DAB2IP: variants seen among roughly 807,000 people sequenced by gnomAD.
DAB2IP encodes the protein DAB2 interacting protein.
In DAB2IP, 28 loss-of-function variants were observed where a neutral mutation model predicts 107.2. The ratio of observed to expected loss-of-function variants is 0.26; its 90% confidence interval spans 0.19 to 0.36. The LOEUF (loss-of-function observed/expected upper bound fraction) is 0.36. Among genes scored for constraint, DAB2IP ranks in the 10% least tolerant of loss-of-function variants. The pLI is 1.00. For missense variants in DAB2IP, 1,400 were observed against 1,644.7 expected (o/e 0.85, Z 2.57); for synonymous variants, 755 against 706.4 (o/e 1.07, Z -1.09).
At position 121,776,324 on chromosome 9, in the gene DAB2IP, G is replaced by A; in HGVS notation, c.3247G>A (p.Glu1083Lys). Reference sequence around the variant, plus strand: ...GCTGGAGTACCAGGCACGGCTGGAGGAGGGCGAGGAGCGGCTGCGGCGGCA... The same window carrying A: ...GCTGGAGTACCAGGCACGGCTGGAGAAGGGCGAGGAGCGGCTGCGGCGGCA... The change falls in exon 14 of 16, where the codon GAG becomes AAG. Residue 1083 changes from glutamate (E) to lysine (K), a missense_variant. Glu to Lys is a moderately conservative substitution (Grantham distance 56). This residue lies in a region of DAB2IP where 600 missense variants were observed against 659.1 expected (regional missense o/e 0.91). Transcript: ENST00000408936. The surrounding 1 kb of genome is among the most constrained non-coding windows in gnomAD (Gnocchi z 5.4). The A allele has an allele frequency of 6.4e-7, 1 of 1,561,654 alleles. No individual in the cohort carries two copies. The highest frequency in any genetic ancestry group is 8.7e-7 in the Non-Finnish European group (1 of 1,152,784).
In DAB2IP at chr9:121,782,469, G is replaced by C. The variant is rs761629896; in HGVS notation, c.3541G>C (p.Gly1181Arg). Reference sequence around the variant, plus strand: ...CACCAAATTGCAGATTACTGAGAACGGCGAGTTCAGAAACAGCAGCAATTG... The same window carrying C: ...CACCAAATTGCAGATTACTGAGAACCGCGAGTTCAGAAACAGCAGCAATTG... Residue 1181 changes from glycine (G) to arginine (R), a missense_variant, in exon 16 of 16, where the codon GGC becomes CGC. Physicochemically the swap from Gly to Arg is moderately radical, Grantham distance 125. Coordinates refer to ENST00000408936, the Ensembl canonical transcript of DAB2IP. The surrounding 1 kb of genome is among the most constrained non-coding windows in gnomAD (Gnocchi z 6.1). The C allele has an allele frequency of 1.2e-6, 2 of 1,613,908 alleles. No individual in the cohort carries two copies. Among genetic ancestry groups the C allele is most frequent in the Non-Finnish European group, 8.5e-7 (1 of 1,179,944 alleles).
intron 1 of DAB2IP, among the ~76,000 whole-genome samples, chr9:121,624,497 A>G (rs1324977163): frequency 2.0e-5 from 3 of 152,278 alleles, no homozygotes; most frequent in African/African-American, 4.8e-5. Flanking sequence ...CATGTGCCAC[A>G]TAATGATATT....
chr9:121,577,839 G>C (rs1235043858), intron 1 of DAB2IP, among the ~76,000 whole-genome samples: 5 of 152,200 alleles, frequency 3.3e-5, no homozygotes, highest in African/African-American at 1.2e-4. Flanking sequence ...GGTCAGTAGG[G>C]TGGGTGGCTC....
At chr9:121,572,161 C>T (rs181642741) in intron 1 of DAB2IP, among the ~76,000 whole-genome samples, 2 of 152,244 alleles carry the variant, frequency 1.3e-5, no homozygotes, top group African/African-American at 2.4e-5. Flanking sequence ...AATATGCTTT[C>T]TCCGGGTTCT....
chr9:121,775,012 A>G (rs569851485), intron 13 of DAB2IP, among the ~76,000 whole-genome samples: 130 of 152,248 alleles, frequency 8.5e-4, no homozygotes, highest in Non-Finnish European at 1.7e-3. Context: ...CTACTCTAAA[A>G]ATGAAACTCT....
At chr9:121,570,375 A>G (rs1829910901) in intron 1 of DAB2IP, among the ~76,000 whole-genome samples, 1 of 151,468 alleles carries the variant, frequency 6.6e-6, no homozygotes, top group Admixed American at 6.6e-5. Flanking sequence ...CAGCCTCCCA[A>G]AGTGCTGTGA....
At chr9:121,670,608 T>C (rs999221221) in intron 1 of DAB2IP, among the ~76,000 whole-genome samples, 2 of 152,238 alleles carry the variant, frequency 1.3e-5, no homozygotes, top group African/African-American at 2.4e-5. Flanking sequence ...CCTCTGTCTG[T>C]GTCAAAGCTG....
intron 15 of DAB2IP, 148 bp downstream of exon 15, chr9:121,781,699 G>A (rs1358558630): frequency 4.0e-6 from 3 of 745,950 alleles, no homozygotes; most frequent in Non-Finnish European, 6.5e-6. Context: ...TCAGACCTGT[G>A]GTCTTAGTGG....
chr9:121,631,671 C>T (rs190574038), intron 1 of DAB2IP, among the ~76,000 whole-genome samples: 1 of 152,198 alleles, frequency 6.6e-6, no homozygotes, highest in East Asian at 1.9e-4. Context: ...CAACAATTAG[C>T]TGGGCGTGGT....
chr9:121,785,312 C>G (rs907432140), exon 16 of DAB2IP: 9 of 152,690 alleles, frequency 5.9e-5, no homozygotes, highest in African/African-American at 2.2e-4. Flanking sequence ...CAAAGCCCCC[C>G]AGCTCCCACA....
intron 3 of DAB2IP, among the ~76,000 whole-genome samples, chr9:121,731,704 A>C (rs900777272): frequency 2.0e-5 from 3 of 151,886 alleles, no homozygotes; most frequent in African/African-American, 7.3e-5. Flanking sequence ...GCTGGTTGGG[A>C]CCTACCCACA....
rs552603727 is a variant in DAB2IP at position 121,701,378 on chromosome 9, G to A, written c.362+1920G>A. 6.6e-6 allele frequency among the ~76,000 whole-genome samples: 1 copy of A among 152,350 alleles called. No individual in the cohort carries two copies. Among genetic ancestry groups the A allele is most frequent in the Non-Finnish European group, 1.5e-5 (1 of 68,034 alleles). On this transcript the variant is annotated intron_variant, in intron 3 of 15. Transcript: ENST00000408936. The surrounding 1 kb of genome is among the most constrained non-coding windows in gnomAD (Gnocchi z 4.7). ...CAGCCTTGCCACATGCTGAAGGGGC[G>A]CAGAGTGGGGGTTGGGAGTGAAACT...
chr9:121,697,546 G>A (rs145770294), intron 2 of DAB2IP, among the ~76,000 whole-genome samples: 44 of 152,316 alleles, frequency 2.9e-4, no homozygotes, highest in African/African-American at 8.4e-4. Flanking sequence ...ACCTGCCACC[G>A]TTTGGGGTCC....
intron 1 of DAB2IP, among the ~76,000 whole-genome samples, chr9:121,579,208 A>G (rs1034053021): frequency 1.3e-5 from 2 of 152,180 alleles, no homozygotes; most frequent in African/African-American, 4.8e-5. Context: ...GAGGAGTAAC[A>G]CTGTTCATGC....
chr9:121,692,624 T>C (rs1400110137), intron 2 of DAB2IP, among the ~76,000 whole-genome samples: 2 of 152,200 alleles, frequency 1.3e-5, no homozygotes, highest in African/African-American at 4.8e-5. Context: ...GCGGAATATG[T>C]GGCGATCTCA....
rs543091489 is a variant in DAB2IP, at chr9:121,616,954, T to A, written c.40+49726T>A. 3.9e-5 allele frequency among the ~76,000 whole-genome samples: 6 copies of A among 152,234 alleles called. No homozygotes were observed. In the East Asian group the frequency reaches 1.2e-3, roughly 29 times the overall value. ...GGGCTGGCCAGGGCACCTGGCTTAATAGGGGGACAGAGAAGGTCATGAAGG... is the reference window on the plus strand; with the variant it reads ...GGGCTGGCCAGGGCACCTGGCTTAAAAGGGGGACAGAGAAGGTCATGAAGG... On this transcript the variant is annotated intron_variant, in intron 1 of 16. Coordinates refer to the DAB2IP transcript ENST00000259371.
intron 1 of DAB2IP, among the ~76,000 whole-genome samples, chr9:121,578,613 G>A (rs1830118699): frequency 6.7e-6 from 1 of 150,230 alleles, no homozygotes; most frequent in African/African-American, 2.5e-5. Context: ...CCTCCTGCCT[G>A]TATGAGGACC....
intron 3 of DAB2IP, among the ~76,000 whole-genome samples, chr9:121,730,228 C>T (rs1194983315): frequency 6.6e-6 from 1 of 152,256 alleles, no homozygotes; most frequent in Non-Finnish European, 1.5e-5. Context: ...TCTCCCTCCT[C>T]TCCCTTTCCA....
chr9:121,679,607 T>C (rs1828475593), intron 2 of DAB2IP, among the ~76,000 whole-genome samples: 1 of 152,018 alleles, frequency 6.6e-6, no homozygotes. Context: ...TGTTGGATGG[T>C]TTGTTCATCC....
Sources: gnomAD v4.1 joint callset for allele counts (sites outside exome capture counted in the v4.1 genomes callset) on GRCh38, gnomAD v4.1.1 for gene constraint, gnomAD v4.1.1 regional missense constraint, Gnocchi (gnomAD v3.1) non-coding constraint, MANE v1.5 for transcripts, NCBI Gene and HGNC (gene_info 2026-07-23, HGNC 2026-07-21) for gene names.